Variants in CDC34 observed in about 807,000 individuals in gnomAD.
The protein encoded by CDC34 is cell division cycle 34, ubiquitin conjugating enzyme, also known as ubiquitin-conjugating enzyme E2 R1.
Under a neutral mutation model 26.8 loss-of-function variants are expected in CDC34, and 18 were observed. The ratio of observed to expected loss-of-function variants is 0.67; its 90% CI spans 0.47 to 1.00. The LOEUF (loss-of-function observed/expected upper bound fraction) is 1.00, where lower values mean the gene tolerates loss of function less well. CDC34 is among the 50% of genes least tolerant of loss of function. CDC34 has a pLI of 0.00. For synonymous variants in CDC34, 178 were observed against 147.5 expected (o/e 1.21, Z -1.50); for missense variants, 280 against 334.5 (o/e 0.84, Z 1.27).
chr19:536,982 G>T, intron 3 of CDC34, 31 bp from the exon 4 acceptor site: 1 of 1,612,834 alleles, frequency 6.2e-7, no homozygotes, highest in Non-Finnish European at 8.5e-7. Flanking sequence ...GGTGCCCCGG[G>T]CCGCCCCACT....
intron 4 of CDC34, chr19:538,544 T>TG (rs1979867582): frequency 4.5e-6 from 1 of 222,484 alleles, no homozygotes; most frequent in African/African-American, 2.3e-5. Context: ...CATTTTTTTT[T>TG]TTTCTCAGAG....
At chr19:539,330 G>A (rs1399881633) in intron 4 of CDC34, among the ~76,000 whole-genome samples, 5 of 145,724 alleles carry the variant, frequency 3.4e-5, no homozygotes, top group South Asian at 2.4e-4. Flanking sequence ...CTGCGGTGCC[G>A]TCCCCGGGGC....
intron 1 of CDC34, 89 bp from the exon 2 acceptor site, chr19:535,748 C>A (rs1979708501): frequency 1.0e-6 from 1 of 977,988 alleles, no homozygotes; most frequent in Non-Finnish European, 1.6e-6. Context: ...GGCACCAGCA[C>A]TGGGAGTGGG....
intron 4 of CDC34, among the ~76,000 whole-genome samples, chr19:537,553 CGT>C (rs1344812706): frequency 1.3e-5 from 2 of 150,846 alleles, no homozygotes; most frequent in Non-Finnish European, 1.5e-5. Context: ...GGGGTTTCAG[CGT>C]GTTAGCCAGG....
intron 1 of CDC34, 50 bp from the exon 2 acceptor site, chr19:535,787 C>G (rs760558808): frequency 1.4e-6 from 2 of 1,422,534 alleles, no homozygotes; most frequent in Non-Finnish European, 2.0e-6. Context: ...TGAGCTGGGG[C>G]AGGTCTTGGG....
At chr19:532,457 G>A (rs905095657) in intron 1 of CDC34, among the ~76,000 whole-genome samples, 2 of 152,184 alleles carry the variant, frequency 1.3e-5, no homozygotes, top group Non-Finnish European at 2.9e-5. Flanking sequence ...CTTGGCGGGG[G>A]CTGGACCCCG....
chr19:537,946 TG>T (rs1331991595), intron 4 of CDC34, among the ~76,000 whole-genome samples: 4 of 152,096 alleles, frequency 2.6e-5, no homozygotes, highest in Non-Finnish European at 5.9e-5. Flanking sequence ...CGTGAGCCAC[TG>T]CACCTGGCCT....
At chr19:540,061 G>C (rs189188049) in intron 4 of CDC34, among the ~76,000 whole-genome samples, 1 of 63,574 alleles carries the variant, frequency 1.6e-5, no homozygotes, top group African/African-American at 3.5e-5. Context: ...TTTAGAATCC[G>C]GAGGCCGGGG....
chr19:536,595 TAG>T (rs1979765419), intron 3 of CDC34: 1 of 576,614 alleles, frequency 1.7e-6, no homozygotes, highest in Non-Finnish European at 3.1e-6. Flanking sequence ...TGGAACCACC[TAG>T]AGGTGTCCCG....
At chr19:535,064 G>T (rs1979677341) in intron 1 of CDC34, among the ~76,000 whole-genome samples, 1 of 152,234 alleles carries the variant, frequency 6.6e-6, no homozygotes, top group South Asian at 2.1e-4. Flanking sequence ...TACCTGCTGT[G>T]GCCCAGGAGG....
intron 3 of CDC34, chr19:536,683 G>T (rs1461861076): frequency 1.9e-6 from 1 of 525,724 alleles, no homozygotes. Context: ...GTGCCGCCTG[G>T]GCCTCGTCCC....
At position 531,828 on chromosome 19, in the gene CDC34, C is replaced by T. The variant is rs998086565; in HGVS notation, c.-104C>T. The T allele has an allele frequency of 6.6e-6, 4 of 604,194 alleles. No homozygotes were observed. The highest frequency in any genetic ancestry group is 8.7e-6 in the Non-Finnish European group (4 of 458,582). The allele number at this position is 604,194 out of a possible 1,614,324, so 37.4% of individuals were successfully genotyped here. A position where few individuals can be genotyped will look rare whatever the true frequency, so the allele number is the denominator to read the frequency against. ...GCAGAGGAGGAGGCAGGCGGCGGCC[C>T]CGGTGGCTCCCCCCCGGACGGTGCG... On this transcript the variant is annotated 5_prime_UTR_variant, in exon 1 of 5. Transcript: ENST00000215574.
intron 1 of CDC34, among the ~76,000 whole-genome samples, chr19:533,018 G>A (rs1979568190): frequency 6.6e-6 from 1 of 152,112 alleles, no homozygotes; most frequent in Non-Finnish European, 1.5e-5. Flanking sequence ...AGCAGTTTCT[G>A]GATGTTTTTG....
In CDC34 at chr19:541,568, CTT is replaced by C; in HGVS notation, c.*17_*18del. On this transcript the variant is annotated 3_prime_UTR_variant, in exon 5 of 5. Coordinates refer to ENST00000215574, the MANE Select transcript of CDC34 (RefSeq NM_004359.2). ...GGAGTCCTGACACCACCAGAATAAACTTGCCGAGTTTACCTCACTAGGGCCGG... is the reference window on the plus strand; with the variant it reads ...GGAGTCCTGACACCACCAGAATAAACGCCGAGTTTACCTCACTAGGGCCGG... 6.4e-7 allele frequency: 1 copy of C among 1,553,024 alleles called. No individual in the cohort carries two copies. Among genetic ancestry groups the C allele is most frequent in the Non-Finnish European group, 8.7e-7 (1 of 1,146,682 alleles).
chr19:533,811 G>A (rs1979605443), intron 1 of CDC34, among the ~76,000 whole-genome samples: 1 of 152,218 alleles, frequency 6.6e-6, no homozygotes, highest in Non-Finnish European at 1.5e-5. Context: ...GTTGAGACGG[G>A]GGTGCTGCCA....
Position 541,556 on chromosome 19 carries a change from C to T in CDC34, c.*4C>T, listed in dbSNP as rs1980019795. 1 of 1,567,806 alleles carries T rather than the reference C, an allele frequency of 6.4e-7. No individual in the cohort carries two copies. Among genetic ancestry groups the T allele is most frequent in the African/African-American group, 1.4e-5 (1 of 73,560 alleles). On this transcript the variant is annotated 3_prime_UTR_variant, in exon 5 of 5. Transcript: ENST00000215574. ...CTCTGGCACGGAGGAGTCCTGACACCACCAGAATAAACTTGCCGAGTTTAC... is the reference window on the plus strand; with the variant it reads ...CTCTGGCACGGAGGAGTCCTGACACTACCAGAATAAACTTGCCGAGTTTAC...
At chr19:536,861 T>G in intron 3 of CDC34, 152 bp from the exon 4 acceptor site, 1 of 796,934 alleles carries the variant, frequency 1.3e-6, no homozygotes. Flanking sequence ...CCCCTGCTGT[T>G]CTGGGGGCCT....
intron 4 of CDC34, among the ~76,000 whole-genome samples, chr19:537,503 T>C (rs963398336): frequency 5.9e-5 from 9 of 151,662 alleles, no homozygotes; most frequent in African/African-American, 1.5e-4. Flanking sequence ...CAGGCGCCCG[T>C]CACCACGCCC....
At chr19:537,184 C>G (rs775493261) in intron 4 of CDC34, 37 bp downstream of exon 4, 1 of 1,607,666 alleles carries the variant, frequency 6.2e-7, no homozygotes, top group South Asian at 1.1e-5. Flanking sequence ...AGGAGAGACT[C>G]AGATCCGGCC....
Sources: allele counts gnomAD v4.1 joint callset (sites outside exome capture counted in the v4.1 genomes callset), GRCh38; gene constraint gnomAD v4.1.1; transcripts MANE v1.5; gene names NCBI Gene and HGNC (gene_info 2026-07-23, HGNC 2026-07-21).